Variants in SLC25A21 observed in about 807,000 individuals in gnomAD.
The protein encoded by SLC25A21 is solute carrier family 25 member 21.
In SLC25A21, 47 loss-of-function variants were observed where a neutral mutation model predicts 43.8. The ratio of observed to expected loss-of-function variants is 1.07; its 90% CI spans 0.85 to 1.37. The LOEUF (loss-of-function observed/expected upper bound fraction) is 1.37, where lower values mean the gene tolerates loss of function less well. Among genes scored for constraint, SLC25A21 ranks in the 40% most tolerant of loss-of-function variants. SLC25A21 has a pLI of 0.00. For synonymous variants in SLC25A21, 131 were observed against 121.3 expected, an observed-to-expected ratio of 1.08 and a Z score of -0.52; for missense variants, 352 against 350.2, an observed-to-expected ratio of 1.00 and a Z score of -0.04.
At chr14:36,826,760 T>C (rs1483123271) in intron 2 of SLC25A21, among the ~76,000 whole-genome samples, 1 of 152,002 alleles carries the variant, frequency 6.6e-6, no homozygotes, top group Non-Finnish European at 1.5e-5. Flanking sequence ...AGTTCGAACA[T>C]TCCCTGAGAA....
chr14:36,799,011 G>A (rs533272831), intron 3 of SLC25A21, among the ~76,000 whole-genome samples: 6 of 152,234 alleles, frequency 3.9e-5, no homozygotes, highest in African/African-American at 7.2e-5. Context: ...TAAAGAGTTT[G>A]AGGACAAGAG....
intron 7 of SLC25A21, among the ~76,000 whole-genome samples, chr14:36,698,599 G>A (rs1289359459): frequency 6.6e-6 from 1 of 152,070 alleles, no homozygotes; most frequent in Non-Finnish European, 1.5e-5. Context: ...TTTCTTGGAG[G>A]CTTTCTTCTT....
intron 1 of SLC25A21, among the ~76,000 whole-genome samples, chr14:37,026,819 A>G (rs1961102140): frequency 6.6e-6 from 1 of 152,188 alleles, no homozygotes; most frequent in African/African-American, 2.4e-5. Context: ...AAAACATGTC[A>G]AAGAGATTGT....
At chr14:36,830,285 C>A (rs1369326675) in intron 2 of SLC25A21, among the ~76,000 whole-genome samples, 3 of 152,188 alleles carry the variant, frequency 2.0e-5, no homozygotes, top group Admixed American at 6.5e-5. Context: ...GCAAAAGATG[C>A]TACCTAAGCA....
intron 1 of SLC25A21, among the ~76,000 whole-genome samples, chr14:37,092,923 A>G (rs1439316022): frequency 6.6e-6 from 1 of 151,878 alleles, no homozygotes; most frequent in Non-Finnish European, 1.5e-5. Flanking sequence ...CACACCACAC[A>G]CACACACACA....
intron 1 of SLC25A21, among the ~76,000 whole-genome samples, chr14:37,067,851 A>C (rs1962092548): frequency 6.6e-6 from 1 of 152,250 alleles, no homozygotes; most frequent in Admixed American, 6.5e-5. Flanking sequence ...TGTGCACAAA[A>C]ATAATTTAAA....
At chr14:37,046,877 C>A (rs1164698144) in intron 1 of SLC25A21, among the ~76,000 whole-genome samples, 1 of 152,092 alleles carries the variant, frequency 6.6e-6, no homozygotes, top group East Asian at 1.9e-4. Flanking sequence ...CTGTTTCTAC[C>A]CCACATAACA....
chr14:37,106,474 T>C (rs891229097), intron 1 of SLC25A21, among the ~76,000 whole-genome samples: 16 of 152,168 alleles, frequency 1.1e-4, no homozygotes, highest in African/African-American at 3.9e-4. Flanking sequence ...TCAGGCTTAC[T>C]AAGGTGGGGA....
intron 1 of SLC25A21, among the ~76,000 whole-genome samples, chr14:37,057,510 A>C (rs990016614): frequency 2.0e-5 from 3 of 152,192 alleles, no homozygotes; most frequent in African/African-American, 4.8e-5. Flanking sequence ...GGATCTGAAA[A>C]TCGTGTGAAA....
chr14:37,023,748 A>G (rs924459933), intron 1 of SLC25A21, among the ~76,000 whole-genome samples: 1 of 151,698 alleles, frequency 6.6e-6, no homozygotes, highest in Non-Finnish European at 1.5e-5. Flanking sequence ...TTGGCTTCTG[A>G]TTAACAATTC....
chr14:36,816,280 T>C (rs1036948262), intron 2 of SLC25A21, among the ~76,000 whole-genome samples: 8 of 152,106 alleles, frequency 5.3e-5, no homozygotes, highest in Non-Finnish European at 7.3e-5. Context: ...TTCTTTGCAA[T>C]AAAAATCTCT....
At chr14:36,962,137 T>C (rs1403224622) in intron 1 of SLC25A21, among the ~76,000 whole-genome samples, 1 of 152,200 alleles carries the variant, frequency 6.6e-6, no homozygotes, top group African/African-American at 2.4e-5. Flanking sequence ...ATAAATTATT[T>C]TCATTAATAT....
At chr14:36,902,987 C>G (rs1037558860) in intron 1 of SLC25A21, among the ~76,000 whole-genome samples, 4 of 152,020 alleles carry the variant, frequency 2.6e-5, no homozygotes, top group Admixed American at 2.6e-4. Context: ...AAAACCAAAA[C>G]AACAACAACA....
intron 1 of SLC25A21, among the ~76,000 whole-genome samples, chr14:37,078,570 TA>T (rs771501064): frequency 6.6e-6 from 1 of 152,070 alleles, no homozygotes; most frequent in Non-Finnish European, 1.5e-5. Context: ...AATAAGCAGT[TA>T]AAAAAAGAGC....
chr14:36,789,015 AAAAACATATTTACTAATG>A (rs1450035600), intron 3 of SLC25A21, among the ~76,000 whole-genome samples: 1 of 152,214 alleles, frequency 6.6e-6, no homozygotes, highest in East Asian at 1.9e-4. Flanking sequence ...TTTCCCAGAA[AAAAACATATTTACTAATG>A]TCTCCTTGTT....
rs1881978190 is a variant in SLC25A21 at position 36,677,939 on chromosome 14, T to G, written c.*2719A>C. The G allele has an allele frequency of 1.3e-5, 2 of 152,956 alleles. No individual in the cohort carries two copies. The highest frequency in any genetic ancestry group is 4.1e-4 in the South Asian group (2 of 4,870). 9.5% of individuals were successfully genotyped at this position (152,956 alleles called of 1,614,324 possible). On this transcript the variant is annotated 3_prime_UTR_variant, in exon 10 of 10. Transcript: ENST00000331299. ...TGGGGCAAAATTCTACAGTTTTTAA[T>G]CCCTTCTGTTTAGGAAGTTCTTCCT...
chr14:36,734,939 A>G (rs1226655030), intron 3 of SLC25A21, among the ~76,000 whole-genome samples: 1 of 152,202 alleles, frequency 6.6e-6, no homozygotes. Flanking sequence ...TGGCAACCAA[A>G]TGAGGTTAGG....
chr14:36,789,075 C>T (rs1176424405), intron 3 of SLC25A21, among the ~76,000 whole-genome samples: 1 of 152,182 alleles, frequency 6.6e-6, no homozygotes, highest in Non-Finnish European at 1.5e-5. Flanking sequence ...TATGCATTAA[C>T]ATTTGACCAT....
intron 1 of SLC25A21, among the ~76,000 whole-genome samples, chr14:36,960,970 C>T (rs1364523834): frequency 3.9e-5 from 6 of 152,192 alleles, no homozygotes; most frequent in Admixed American, 3.9e-4. Context: ...AGCAGTCATG[C>T]TGTCCCCACT....
Sources: allele counts gnomAD v4.1 joint callset (sites outside exome capture counted in the v4.1 genomes callset), GRCh38; gene constraint gnomAD v4.1.1; transcripts MANE v1.5; gene names NCBI Gene and HGNC (gene_info 2026-07-23, HGNC 2026-07-21).